The following GABRB3 variants were observed in gnomAD, a reference collection of about 807,000 sequenced individuals.
GABRB3 encodes gamma-aminobutyric acid type A receptor subunit beta3.
In GABRB3, 14 loss-of-function variants were observed where a neutral mutation model predicts 52.1. The observed-to-expected ratio is 0.27, with a 90% CI of 0.18 to 0.42. The LOEUF (loss-of-function observed/expected upper bound fraction) is 0.42, where lower values mean the gene tolerates loss of function less well. GABRB3 is among the 10% of genes least tolerant of loss of function. The probability of loss-of-function intolerance (pLI) is 1.00; values close to 1 mark genes in which losing one functional copy is unlikely to be tolerated. For synonymous variants in GABRB3, 260 were observed against 232.3 expected, an observed-to-expected ratio of 1.12 and a Z score of -1.08; for missense variants, 307 against 609.1, an observed-to-expected ratio of 0.50 and a Z score of 5.22.
intron 3 of GABRB3, chr15:26,767,138 A>G (rs187828682): frequency 1.8e-4 from 28 of 152,300 alleles, no homozygotes; most frequent in African/African-American, 6.7e-4. Flanking sequence ...AATGTGCTCA[A>G]TAAACACCCT....
intron 4 of GABRB3, among the ~76,000 whole-genome samples, chr15:26,617,611 G>A (rs1209745341): frequency 2.6e-5 from 4 of 151,758 alleles, no homozygotes; most frequent in Non-Finnish European, 4.4e-5. Context: ...GCACAAGACA[G>A]GGATGCCCTC....
chr15:26,655,614 C>T (rs1217024457), intron 3 of GABRB3, among the ~76,000 whole-genome samples: 1 of 152,028 alleles, frequency 6.6e-6, no homozygotes, highest in Admixed American at 6.6e-5. Context: ...TGGTGGCGGG[C>T]GCCTGTAGTC....
rs559878920 is a variant in GABRB3, at chr15:26,664,745, C to A, written c.241-43211G>T. Among the ~76,000 whole-genome samples the A allele has an allele frequency of 6.5e-4, 74 of 113,982 alleles. No homozygotes were observed. In the Middle Eastern group the frequency reaches 0.03, roughly 46 times the overall value. The allele number at this position is 113,982 out of a possible 152,430, so 74.8% of individuals were successfully genotyped here. On this transcript the variant is annotated intron_variant, in intron 3 of 8. Transcript: ENST00000311550. ...TTTTGGTGGAGTTTCGCTCTTGTTGCTCAGGCTGGAGTGCAATGGTACAAT... is the reference window on the plus strand; with the variant it reads ...TTTTGGTGGAGTTTCGCTCTTGTTGATCAGGCTGGAGTGCAATGGTACAAT...
intron 3 of GABRB3, chr15:26,624,651 G>A: frequency 1.0e-6 from 1 of 985,500 alleles, no homozygotes; most frequent in Non-Finnish European, 1.2e-6. Context: ...CAGCAAGAGG[G>A]AAAAAACAGT....
At chr15:26,598,825 T>C (rs1165923458) in intron 4 of GABRB3, among the ~76,000 whole-genome samples, 1 of 152,174 alleles carries the variant, frequency 6.6e-6, no homozygotes, top group Non-Finnish European at 1.5e-5. Context: ...CAAACAAATC[T>C]GGGTGGTACT....
chr15:26,597,289 C>A (rs1891427188), intron 4 of GABRB3, among the ~76,000 whole-genome samples: 1 of 152,102 alleles, frequency 6.6e-6, no homozygotes, highest in African/African-American at 2.4e-5. Flanking sequence ...GCTCATGTTT[C>A]TTAGAAACTT....
rs146681010 is a variant in GABRB3 at position 26,742,167 on chromosome 15, T to C, written c.240+30235A>G. Among the ~76,000 whole-genome samples, 19 of 152,300 alleles carry C rather than the reference T, an allele frequency of 1.2e-4. No individual in the cohort carries two copies. In the East Asian group the frequency reaches 3.7e-3, roughly 29 times the overall value. On this transcript the variant is annotated intron_variant, in intron 3 of 8. Transcript: ENST00000311550. The stretch of plus-strand genomic sequence containing the variant: ...CCTTATGTCTCTCTAAGCATATCAT[T>C]GATACTGACTGCCTCCCAATTACCA...
intron 4 of GABRB3, among the ~76,000 whole-genome samples, chr15:26,617,740 C>T (rs1012624596): frequency 4.5e-4 from 69 of 152,084 alleles, no homozygotes; most frequent in African/African-American, 1.4e-3. Context: ...TGTTTGCAGA[C>T]GACATGATTA....
intron 3 of GABRB3, among the ~76,000 whole-genome samples, chr15:26,721,920 C>CA (rs1440506742): frequency 6.6e-6 from 1 of 152,070 alleles, no homozygotes; most frequent in African/African-American, 2.4e-5. Context: ...CATGATAATT[C>CA]AATTAAAGCT....
At chr15:26,726,755 T>C (rs1889783540) in intron 3 of GABRB3, among the ~76,000 whole-genome samples, 1 of 152,230 alleles carries the variant, frequency 6.6e-6, no homozygotes, top group Non-Finnish European at 1.5e-5. Flanking sequence ...TTGGTCAAGC[T>C]GGTATCTGCT....
At chr15:26,672,456 C>G (rs745314058) in intron 3 of GABRB3, among the ~76,000 whole-genome samples, 2 of 152,170 alleles carry the variant, frequency 1.3e-5, no homozygotes, top group Non-Finnish European at 2.9e-5. Flanking sequence ...TTCTCCCTCT[C>G]TCTTTCCCCT....
chr15:26,663,341 C>G (rs1447668179), intron 3 of GABRB3, among the ~76,000 whole-genome samples: 1 of 152,182 alleles, frequency 6.6e-6, no homozygotes, highest in Admixed American at 6.5e-5. Context: ...AAATCTCCAA[C>G]TATAATTGTG....
chr15:26,737,065 T>G (rs1319953586), intron 3 of GABRB3, among the ~76,000 whole-genome samples: 1 of 152,210 alleles, frequency 6.6e-6, no homozygotes, highest in Admixed American at 6.5e-5. Flanking sequence ...CCCTCTAAAG[T>G]GCTGTCGCAA....
At chr15:26,670,584 C>G (rs971997531) in intron 3 of GABRB3, among the ~76,000 whole-genome samples, 1 of 152,210 alleles carries the variant, frequency 6.6e-6, no homozygotes, top group African/African-American at 2.4e-5. Context: ...GGAGCCCGCT[C>G]CGGCCGGGCT....
At chr15:26,556,858 G>C (rs981278857) in intron 8 of GABRB3, among the ~76,000 whole-genome samples, 2 of 152,138 alleles carry the variant, frequency 1.3e-5, no homozygotes, top group African/African-American at 2.4e-5. Flanking sequence ...ACAGGACACA[G>C]AAAGTGGTCT....
intron 3 of GABRB3, among the ~76,000 whole-genome samples, chr15:26,686,683 C>T (rs1888416836): frequency 1.3e-5 from 2 of 152,224 alleles, no homozygotes; most frequent in South Asian, 2.1e-4. Context: ...CCTTGCCTTG[C>T]CCTGACAGTG....
chr15:26,603,794 TA>T (rs1449560057), intron 4 of GABRB3, among the ~76,000 whole-genome samples: 3 of 152,020 alleles, frequency 2.0e-5, no homozygotes, highest in African/African-American at 7.2e-5. Flanking sequence ...AAAAGCCTGA[TA>T]TATCAAGCCC....
intron 3 of GABRB3, among the ~76,000 whole-genome samples, chr15:26,749,293 A>C (rs1467922412): frequency 1.3e-5 from 2 of 152,192 alleles, no homozygotes; most frequent in Non-Finnish European, 2.9e-5. Context: ...GATTACTTAA[A>C]AGTTTACTGT....
At chr15:26,656,923 A>G (rs887990447) in intron 3 of GABRB3, 3 of 152,232 alleles carry the variant, frequency 2.0e-5, no homozygotes, top group African/African-American at 7.2e-5. Context: ...TCAAATAGAG[A>G]CTGAAACAGC....
Sources: allele counts gnomAD v4.1 joint callset (sites outside exome capture counted in the v4.1 genomes callset), GRCh38; gene constraint gnomAD v4.1.1; transcripts MANE v1.5; gene names NCBI Gene and HGNC (gene_info 2026-07-23, HGNC 2026-07-21).